Variants in TUSC3 observed in about 807,000 individuals in gnomAD.
TUSC3 encodes the protein dolichyl-diphosphooligosaccharide--protein glycosyltransferase subunit TUSC3.
A neutral mutation model predicts 44.8 loss-of-function variants in TUSC3; 45 were observed. The ratio of observed to expected loss-of-function variants is 1.00; its 90% CI spans 0.79 to 1.29. The LOEUF (loss-of-function observed/expected upper bound fraction) is 1.29, where lower values mean the gene tolerates loss of function less well. TUSC3 is among the 50% of genes most tolerant of loss of function. The pLI, the probability that TUSC3 is intolerant of heterozygous loss-of-function variation, is 0.00. For missense variants in TUSC3, 519 were observed against 437.9 expected, an observed-to-expected ratio of 1.19 and a Z score of -1.65; for synonymous variants, 212 against 152.9, an observed-to-expected ratio of 1.39 and a Z score of -2.85.
intron 2 of TUSC3, among the ~76,000 whole-genome samples, chr8:15,487,210 T>C (rs1484359912): frequency 6.6e-6 from 1 of 152,236 alleles, no homozygotes; most frequent in African/African-American, 2.4e-5. Context: ...TCTGACCGTA[T>C]TTCTACTACT....
At chr8:15,843,539 C>G in the TUSC3 span, among the ~76,000 whole-genome samples, 2 of 150,636 alleles carry the variant, frequency 1.3e-5, no homozygotes, top group African/African-American at 2.5e-5. Context: ...AATTTTCTAC[C>G]ATCTCAAAAA....
intron 7 of TUSC3, among the ~76,000 whole-genome samples, chr8:15,732,414 T>C (rs1810759127): frequency 2.6e-5 from 4 of 152,258 alleles, no homozygotes; most frequent in Admixed American, 2.0e-4. Flanking sequence ...AAGATGTGCC[T>C]TTCACCATGA....
the TUSC3 span, among the ~76,000 whole-genome samples, chr8:15,793,305 G>A: frequency 6.6e-6 from 1 of 151,976 alleles, no homozygotes; most frequent in South Asian, 2.1e-4. Context: ...TACAAGACTC[G>A]ACATGATTCA....
chr8:15,813,389 C>CAA, the TUSC3 span, among the ~76,000 whole-genome samples: 76,453 of 144,860 alleles, frequency 0.53, 21,071 homozygotes, highest in Non-Finnish European at 0.63. Context: ...AACAAACAAA[C>CAA]AAAAAAAAAA....
At chr8:15,480,177 G>A (rs528856801) in intron 1 of TUSC3, among the ~76,000 whole-genome samples, 3 of 152,276 alleles carry the variant, frequency 2.0e-5, no homozygotes, top group Admixed American at 6.5e-5. Flanking sequence ...CAAGGAAATA[G>A]AAGAGGACAC....
intron 1 of TUSC3, among the ~76,000 whole-genome samples, chr8:15,467,549 T>A (rs371709532): frequency 3.9e-5 from 6 of 152,268 alleles, no homozygotes; most frequent in Admixed American, 2.0e-4. Context: ...GCCAGTTTCA[T>A]TGGGAGATGA....
At chr8:15,593,925 T>TATA (rs1423742610) in intron 1 of TUSC3, among the ~76,000 whole-genome samples, 2 of 152,168 alleles carry the variant, frequency 1.3e-5, no homozygotes, top group Non-Finnish European at 2.9e-5. Context: ...TAATCTACTC[T>TATA]ATAAAGTTTT....
chr8:15,662,630 A>T (rs182369166), intron 5 of TUSC3, among the ~76,000 whole-genome samples: 4 of 151,982 alleles, frequency 2.6e-5, no homozygotes, highest in African/African-American at 9.7e-5. Flanking sequence ...CTATTTCTGA[A>T]TTTCTCATTC....
intron 1 of TUSC3, among the ~76,000 whole-genome samples, chr8:15,599,392 G>T (rs12114398): frequency 0.064 from 9,696 of 151,430 alleles, 623 homozygotes; most frequent in African/African-American, 0.17. Context: ...TTCTTATTTC[G>T]TTCACCATTT....
At chr8:15,568,954 T>C (rs1343944483) in intron 1 of TUSC3, among the ~76,000 whole-genome samples, 5 of 152,128 alleles carry the variant, frequency 3.3e-5, no homozygotes, top group Non-Finnish European at 7.4e-5. Flanking sequence ...GACTACTTTC[T>C]TTAGTCATTC....
At chr8:15,707,013 C>G (rs1809646191) in intron 6 of TUSC3, among the ~76,000 whole-genome samples, 1 of 151,850 alleles carries the variant, frequency 6.6e-6, no homozygotes, top group African/African-American at 2.4e-5. Flanking sequence ...TAAAAGTATA[C>G]TTTATGGGTT....
At chr8:15,457,669 T>C (rs1256962676) in intron 1 of TUSC3, among the ~76,000 whole-genome samples, 3 of 149,608 alleles carry the variant, frequency 2.0e-5, no homozygotes, top group Admixed American at 6.7e-5. Context: ...AATTAATATA[T>C]AAACAGCATT....
At chr8:15,540,969 C>T (rs1163013865) in intron 1 of TUSC3, among the ~76,000 whole-genome samples, 1 of 152,164 alleles carries the variant, frequency 6.6e-6, no homozygotes, top group Non-Finnish European at 1.5e-5. Flanking sequence ...CCTTCATTAC[C>T]CATTTCAAGA....
intron 1 of TUSC3, among the ~76,000 whole-genome samples, chr8:15,559,230 A>G (rs1279051185): frequency 7.1e-6 from 1 of 141,302 alleles, no homozygotes; most frequent in East Asian, 2.2e-4. Context: ...TTCAAAGAAC[A>G]TCTTTATTTC....
intron 2 of TUSC3, among the ~76,000 whole-genome samples, chr8:15,522,969 C>G (rs1005129069): frequency 1.3e-5 from 2 of 152,088 alleles, no homozygotes; most frequent in Admixed American, 1.3e-4. Context: ...AAAACCAATG[C>G]GAAGATGCAT....
At chr8:15,715,472 A>G (rs1810021453) in intron 6 of TUSC3, among the ~76,000 whole-genome samples, 1 of 152,106 alleles carries the variant, frequency 6.6e-6, no homozygotes, top group Non-Finnish European at 1.5e-5. Flanking sequence ...TACAGTGTGG[A>G]TATGCTCTAC....
chr8:15,673,217 G>A (rs976587246), intron 5 of TUSC3, among the ~76,000 whole-genome samples: 6 of 151,910 alleles, frequency 3.9e-5, no homozygotes, highest in South Asian at 2.1e-4. Context: ...ATGTCTTTTT[G>A]TGATTTCTTC....
intron 2 of TUSC3, among the ~76,000 whole-genome samples, chr8:15,490,490 G>T (rs1041428352): frequency 1.3e-5 from 2 of 152,056 alleles, no homozygotes; most frequent in African/African-American, 4.8e-5. Flanking sequence ...TCAACTGAAG[G>T]CCTGCTGACG....
intron 6 of TUSC3, among the ~76,000 whole-genome samples, chr8:15,701,572 T>A (rs1362960221): frequency 6.6e-6 from 1 of 152,220 alleles, no homozygotes; most frequent in African/African-American, 2.4e-5. Flanking sequence ...TGCATAGAGA[T>A]GTTGAATTAC....
Sources: allele counts gnomAD v4.1 joint callset (sites outside exome capture counted in the v4.1 genomes callset), GRCh38; gene constraint gnomAD v4.1.1; transcripts MANE v1.5; gene names NCBI Gene and HGNC (gene_info 2026-07-23, HGNC 2026-07-21).